ZRANB3: variants seen among roughly 807,000 people sequenced by gnomAD.
ZRANB3 encodes DNA annealing helicase and endonuclease ZRANB3.
A neutral mutation model predicts 133.8 loss-of-function variants in ZRANB3; 125 were observed. That is an observed-to-expected ratio of 0.93 (90% confidence interval 0.81 to 1.08). The LOEUF (loss-of-function observed/expected upper bound fraction) is 1.08, where lower values mean the gene tolerates loss of function less well. Ranked by LOEUF, ZRANB3 falls within the 50% of genes least tolerant of loss-of-function variation. The pLI, the probability that ZRANB3 is intolerant of heterozygous loss-of-function variation, is 0.00. For synonymous variants in ZRANB3, 387 were observed against 432.7 expected (o/e 0.89, Z 1.31); for missense variants, 1,229 against 1,275.5 (o/e 0.96, Z 0.56).
At chr2:135,431,407 T>C (rs1266967108) in intron 2 of ZRANB3, among the ~76,000 whole-genome samples, 1 of 151,610 alleles carries the variant, frequency 6.6e-6, no homozygotes, top group Non-Finnish European at 1.5e-5. Context: ...ATATTTGGAT[T>C]ATATATGTAT....
intron 3 of ZRANB3, among the ~76,000 whole-genome samples, chr2:135,362,297 G>GC (rs1376220538): frequency 6.6e-6 from 1 of 152,076 alleles, no homozygotes; most frequent in Non-Finnish European, 1.5e-5. Flanking sequence ...ATATGGGTAT[G>GC]CACATAGCCC....
chr2:135,450,543 T>C (rs890678174), intron 2 of ZRANB3, among the ~76,000 whole-genome samples: 1 of 152,168 alleles, frequency 6.6e-6, no homozygotes, highest in African/African-American at 2.4e-5. Flanking sequence ...CTTCTCATAC[T>C]GCTTTTACGA....
intron 1 of ZRANB3, among the ~76,000 whole-genome samples, chr2:135,513,750 G>A (rs941559546): frequency 6.6e-6 from 1 of 152,036 alleles, no homozygotes. Context: ...AGGTTTTTAT[G>A]GTTTTAGGTC....
chr2:135,313,379 C>G, intron 8 of ZRANB3, 110 bp downstream of exon 8: 1 of 518,626 alleles, frequency 1.9e-6, no homozygotes, highest in South Asian at 3.8e-5. Flanking sequence ...AAGAGTTAAA[C>G]AATAGCAAAG....
chr2:135,329,263 C>T (rs1004166858), intron 6 of ZRANB3, among the ~76,000 whole-genome samples: 6 of 152,202 alleles, frequency 3.9e-5, no homozygotes, highest in Admixed American at 6.5e-5. Context: ...GGTCCAGTTT[C>T]AGCTTTCTAC....
At chr2:135,273,817 G>T (rs1223566699) in intron 9 of ZRANB3, among the ~76,000 whole-genome samples, 2 of 152,186 alleles carry the variant, frequency 1.3e-5, no homozygotes, top group African/African-American at 4.8e-5. Flanking sequence ...GATTACAGGT[G>T]TGAGCCACCG....
At chr2:135,484,023 T>C (rs1193427717) in intron 2 of ZRANB3, among the ~76,000 whole-genome samples, 1 of 152,208 alleles carries the variant, frequency 6.6e-6, no homozygotes, top group Non-Finnish European at 1.5e-5. Context: ...AGAAGAGCTT[T>C]ACTTCCAAGT....
intron 6 of ZRANB3, 103 bp downstream of exon 6, chr2:135,345,447 G>A (rs999948737): frequency 7.8e-6 from 6 of 769,230 alleles, no homozygotes; most frequent in Admixed American, 2.8e-5. Flanking sequence ...CAGCCTGGGC[G>A]ATGGGAGTGA....
At chr2:135,259,466 G>A (rs1679835063) in intron 12 of ZRANB3, among the ~76,000 whole-genome samples, 3 of 152,142 alleles carry the variant, frequency 2.0e-5, no homozygotes, top group African/African-American at 7.2e-5. Flanking sequence ...CCAGGCTGGA[G>A]TGCAAAGATG....
Position 135,200,082 on chromosome 2 carries a change from T to C in ZRANB3, c.*260A>G, listed in dbSNP as rs1236884745. The C allele has an allele frequency of 1.7e-5, 9 of 524,882 alleles. No homozygotes were observed. The highest frequency in any genetic ancestry group is 2.8e-5 in the Non-Finnish European group (8 of 289,142). The allele number at this position is 524,882 out of a possible 1,614,324, so 32.5% of individuals were successfully genotyped here. Reference sequence around the variant, plus strand: ...TAGGCATATTAGGGGTAAAGAGCTTTACAAAACATTGCTGAAACATAATTG... The same window carrying C: ...TAGGCATATTAGGGGTAAAGAGCTTCACAAAACATTGCTGAAACATAATTG... On this transcript the variant is annotated 3_prime_UTR_variant, in exon 21 of 21. Coordinates refer to ENST00000264159, the MANE Select transcript of ZRANB3 (RefSeq NM_032143.4).
chr2:135,490,329 T>TA (rs1195052224), intron 2 of ZRANB3, among the ~76,000 whole-genome samples: 2 of 151,976 alleles, frequency 1.3e-5, no homozygotes, highest in Non-Finnish European at 2.9e-5. Context: ...ATATTCCAAT[T>TA]AAAAAATGGA....
chr2:135,197,779 G>GGGTTCCCT lies in ZRANB3; in HGVS notation c.*2562_*2563insAGGGAACC, dbSNP rs1693466471. On this transcript the variant is annotated 3_prime_UTR_variant, in exon 21 of 21. Transcript: ENST00000264159. Reference sequence around the variant, plus strand: ...TTTCATATGGTTCCCTATCGTAAGCGAGTTCCTTCGTCACCTACCACTTCC... The same window carrying GGGTTCCCT: ...TTTCATATGGTTCCCTATCGTAAGCGGGTTCCCTAGTTCCTTCGTCACCTACCACTTCC... 1 of 152,218 alleles carries GGGTTCCCT rather than the reference G, an allele frequency of 6.6e-6. No individual in the cohort carries two copies. Among genetic ancestry groups the GGGTTCCCT allele is most frequent in the Non-Finnish European group, 1.5e-5 (1 of 68,110 alleles). 9.4% of individuals were successfully genotyped at this position (152,218 alleles called of 1,614,324 possible).
In ZRANB3 at chr2:135,333,900, A is replaced by T. The variant is rs372099615; in HGVS notation, c.677+11650T>A. ...GTACATTTAAAAATACTTAAATGGT[A>T]AATTTTGTTATGCATATTTTACTGC... is the stretch of plus-strand genomic sequence containing the variant. On this transcript the variant is annotated intron_variant, in intron 6 of 20. Transcript: ENST00000264159. Among the ~76,000 whole-genome samples the T allele has an allele frequency of 6.2e-4, 95 of 152,350 alleles. 1 individual carries two copies. Among genetic ancestry groups the T allele is most frequent in the African/African-American group, 1.9e-3 (81 of 41,582 alleles).
chr2:135,456,617 C>T (rs918850016), intron 2 of ZRANB3, among the ~76,000 whole-genome samples: 30 of 152,036 alleles, frequency 2.0e-4, no homozygotes, highest in Admixed American at 6.6e-4. Flanking sequence ...TCATTCATCC[C>T]GAGAATGCCA....
At chr2:135,339,387 C>A (rs1157850091) in intron 6 of ZRANB3, among the ~76,000 whole-genome samples, 1 of 150,336 alleles carries the variant, frequency 6.7e-6, no homozygotes, top group Non-Finnish European at 1.5e-5. Context: ...CTGGGTGACA[C>A]AGCAAGACTC....
intron 12 of ZRANB3, among the ~76,000 whole-genome samples, chr2:135,261,603 T>C (rs960981590): frequency 6.6e-6 from 1 of 152,130 alleles, no homozygotes; most frequent in Non-Finnish European, 1.5e-5. Context: ...TAAAATTTGG[T>C]ATGGGTGATT....
Position 135,353,497 on chromosome 2 carries a change from C to G in ZRANB3, c.312G>C (p.Glu104Asp), listed in dbSNP as rs752062772. Reference sequence around the variant, plus strand: ...TAACATTGATTTCTTCTGGACTTAGCTCTGGGATCCATTTTTCAATTTCTT... The same window carrying G: ...TAACATTGATTTCTTCTGGACTTAGGTCTGGGATCCATTTTTCAATTTCTT... ...WTEEIEKWIP[E>D]LSPEEINVIQ... Residue 104 changes from glutamate (E) to aspartate (D), a missense_variant, in exon 4 of 21, where the codon GAG becomes GAC. Glu to Asp is a conservative substitution (Grantham distance 45, BLOSUM62 2). Transcript: ENST00000264159. 6.2e-7 allele frequency: 1 copy of G among 1,609,422 alleles called. No homozygotes were observed. The highest frequency in any genetic ancestry group is 8.5e-7 in the Non-Finnish European group (1 of 1,177,474).
intron 3 of ZRANB3, among the ~76,000 whole-genome samples, chr2:135,367,553 C>T (rs944134331): frequency 1.3e-5 from 2 of 151,832 alleles, no homozygotes; most frequent in African/African-American, 4.8e-5. Flanking sequence ...CCAAAAATCA[C>T]AAATCTGGAA....
chr2:135,282,594 T>G (rs560782709), intron 8 of ZRANB3, among the ~76,000 whole-genome samples: 2 of 152,288 alleles, frequency 1.3e-5, no homozygotes, highest in Admixed American at 1.3e-4. Context: ...AGTATTTTAC[T>G]TCCTTATAAA....
Sources: gnomAD v4.1 joint callset for allele counts (sites outside exome capture counted in the v4.1 genomes callset) on GRCh38, gnomAD v4.1.1 for gene constraint, MANE v1.5 for transcripts, NCBI Gene and HGNC (gene_info 2026-07-23, HGNC 2026-07-21) for gene names.